Variants in VTI1A observed in about 807,000 individuals in gnomAD.
VTI1A encodes vesicle transport through interaction with t-SNAREs homolog 1A.
A neutral mutation model predicts 34.9 loss-of-function variants in VTI1A; 22 were observed. That is an observed-to-expected ratio of 0.63 (90% CI 0.45 to 0.90). The LOEUF (loss-of-function observed/expected upper bound fraction) is 0.90, where lower values mean the gene tolerates loss of function less well. VTI1A is among the 40% of genes least tolerant of loss of function. The pLI, the probability that VTI1A is intolerant of heterozygous loss-of-function variation, is 0.00. For synonymous variants in VTI1A, 87 were observed against 97.3 expected, an observed-to-expected ratio of 0.89 and a Z score of 0.62; for missense variants, 268 against 275.6, an observed-to-expected ratio of 0.97 and a Z score of 0.20.
the VTI1A span, among the ~76,000 whole-genome samples, chr10:112,837,383 A>G: frequency 1.3e-5 from 2 of 152,066 alleles, no homozygotes; most frequent in African/African-American, 4.8e-5. Context: ...GTGGTTAAGG[A>G]TGTCACAGTG....
At chr10:112,821,080 G>A (rs767239209), downstream of VTI1A, among the ~76,000 whole-genome samples, 1 of 152,172 alleles carries the variant, frequency 6.6e-6, no homozygotes, top group Non-Finnish European at 1.5e-5. Context: ...GGAATCGCTC[G>A]TTACTCGTGC....
chr10:112,511,331 C>T (rs1849602312), intron 3 of VTI1A, among the ~76,000 whole-genome samples: 1 of 151,374 alleles, frequency 6.6e-6, no homozygotes, highest in Non-Finnish European at 1.5e-5. Flanking sequence ...GCAACCTCCG[C>T]CTCCTGGGTT....
intron 5 of VTI1A, among the ~76,000 whole-genome samples, chr10:112,562,897 A>T (rs1295302674): frequency 1.3e-5 from 2 of 152,156 alleles, no homozygotes; most frequent in Non-Finnish European, 2.9e-5. Flanking sequence ...CCTATCGGAA[A>T]ACAGAAACGA....
chr10:112,605,100 C>T (rs749453440), intron 5 of VTI1A, among the ~76,000 whole-genome samples: 5 of 152,140 alleles, frequency 3.3e-5, no homozygotes, highest in Non-Finnish European at 7.3e-5. Context: ...ACCCTGACAA[C>T]GTAGCCAAAC....
intron 7 of VTI1A, among the ~76,000 whole-genome samples, chr10:112,709,722 G>A (rs563743126): frequency 2.7e-4 from 15 of 54,696 alleles, no homozygotes; most frequent in African/African-American, 7.3e-4. Context: ...AGATAGTTTT[G>A]CTCTGTTGCC....
downstream of VTI1A, among the ~76,000 whole-genome samples, chr10:112,823,100 ATCT>A (rs1853683466): frequency 6.6e-6 from 1 of 152,146 alleles, no homozygotes; most frequent in Non-Finnish European, 1.5e-5. Flanking sequence ...ACTAGGCAAA[ATCT>A]TCTCCAAGTG....
intron 5 of VTI1A, among the ~76,000 whole-genome samples, chr10:112,545,936 T>C (rs1264908700): frequency 6.6e-6 from 1 of 152,026 alleles, no homozygotes; most frequent in East Asian, 1.9e-4. Context: ...TGTTTGTGTA[T>C]TTTGCATGTA....
Position 112,460,587 on chromosome 10 carries a change from G to T in VTI1A, c.153+5G>T. On this transcript the variant is annotated splice_donor_5th_base_variant and intron_variant, in intron 2 of 7. Coordinates refer to ENST00000393077, the MANE Select transcript of VTI1A (RefSeq NM_145206.4). ...CTTGAAGAAGCGAAAGAACTGGTAT[G>T]TACAGACAGTAATGTATTTTAACAC... The T allele has an allele frequency of 6.3e-7, 1 of 1,592,710 alleles. No individual in the cohort carries two copies.
At chr10:112,778,942 G>A (rs1171745742) in intron 7 of VTI1A, among the ~76,000 whole-genome samples, 3 of 152,074 alleles carry the variant, frequency 2.0e-5, no homozygotes, top group African/African-American at 7.2e-5. Flanking sequence ...AGAAGTTCAG[G>A]AACTGAGTGA....
chr10:112,488,968 G>A (rs1304641753), intron 3 of VTI1A, among the ~76,000 whole-genome samples: 2 of 151,976 alleles, frequency 1.3e-5, no homozygotes, highest in Non-Finnish European at 2.9e-5. Context: ...TGGAACTTTG[G>A]CCTCTTAGCT....
intron 5 of VTI1A, among the ~76,000 whole-genome samples, chr10:112,645,513 GA>G (rs1295733871): frequency 2.0e-5 from 3 of 152,332 alleles, no homozygotes; most frequent in Non-Finnish European, 4.4e-5. Context: ...ATTCATTGAA[GA>G]AGGCGTCCAC....
chr10:112,792,329 G>A (rs180885522), intron 7 of VTI1A, among the ~76,000 whole-genome samples: 11 of 152,208 alleles, frequency 7.2e-5, no homozygotes, highest in Non-Finnish European at 1.6e-4. Flanking sequence ...AGTCTTAGAA[G>A]TCCCCCAGTC....
chr10:112,482,906 T>A (rs566560684), intron 3 of VTI1A, among the ~76,000 whole-genome samples: 1 of 152,306 alleles, frequency 6.6e-6, no homozygotes, highest in South Asian at 2.1e-4. Context: ...TGCCACTAAC[T>A]CAAGGTATTC....
At chr10:112,831,953 G>T in the VTI1A span, 1 of 152,150 alleles carries the variant, frequency 6.6e-6, no homozygotes, top group Non-Finnish European at 1.5e-5. Context: ...GGTTTCGGCC[G>T]CTGTACACTC....
chr10:112,572,121 C>T (rs1199631341), intron 5 of VTI1A, among the ~76,000 whole-genome samples: 1 of 152,260 alleles, frequency 6.6e-6, no homozygotes, highest in African/African-American at 2.4e-5. Flanking sequence ...CATTGACCCC[C>T]GATTCTAAAA....
At chr10:112,559,740 A>C (rs550944365) in intron 5 of VTI1A, among the ~76,000 whole-genome samples, 26 of 152,330 alleles carry the variant, frequency 1.7e-4, no homozygotes, top group African/African-American at 5.8e-4. Context: ...ATAAAATGTT[A>C]ATTCTGTACA....
intron 7 of VTI1A, among the ~76,000 whole-genome samples, chr10:112,714,935 G>A (rs1849551488): frequency 6.6e-6 from 1 of 152,170 alleles, no homozygotes; most frequent in Non-Finnish European, 1.5e-5. Context: ...TCTTAGAATT[G>A]TCATCAGCGT....
chr10:112,671,849 A>G (rs1275987193), intron 7 of VTI1A: 1 of 152,180 alleles, frequency 6.6e-6, no homozygotes, highest in African/African-American at 2.4e-5. Context: ...TAAGATAAAC[A>G]TCTATTTCCT....
At chr10:112,618,534 G>GAA (rs1554922607) in intron 5 of VTI1A, among the ~76,000 whole-genome samples, 1,337 of 128,808 alleles carry the variant, frequency 0.01, 20 homozygotes, top group Middle Eastern at 0.029. Flanking sequence ...TAGAGAGAGA[G>GAA]AGAGAGAGAG....
Sources: gnomAD v4.1 joint callset for allele counts (sites outside exome capture counted in the v4.1 genomes callset) on GRCh38, gnomAD v4.1.1 for gene constraint, MANE v1.5 for transcripts, NCBI Gene and HGNC (gene_info 2026-07-23, HGNC 2026-07-21) for gene names.